Variants in PKNOX2 observed in about 807,000 individuals in gnomAD.
PKNOX2 encodes PBX/knotted 1 homeobox 2.
PKNOX2 carries 14 observed loss-of-function variants against 53.1 expected under a neutral mutation model. The ratio of observed to expected loss-of-function variants is 0.26; its 90% CI spans 0.17 to 0.41. The LOEUF (loss-of-function observed/expected upper bound fraction) is 0.41, where lower values mean the gene tolerates loss of function less well. Among genes scored for constraint, PKNOX2 ranks in the 10% least tolerant of loss-of-function variants. PKNOX2 has a pLI of 1.00. For synonymous variants in PKNOX2, 257 were observed against 242.8 expected (o/e 1.06, Z -0.54); for missense variants, 496 against 602.8 (o/e 0.82, Z 1.85).
intron 1 of PKNOX2, among the ~76,000 whole-genome samples, chr11:125,173,407 T>C (rs1955466113): frequency 6.6e-6 from 1 of 152,098 alleles, no homozygotes; most frequent in East Asian, 1.9e-4. Flanking sequence ...TGGAGCACAT[T>C]ATTTAGGGTA....
At chr11:125,332,113 G>A (rs1950176002) in intron 3 of PKNOX2, among the ~76,000 whole-genome samples, 188 bp downstream of exon 3, 1 of 152,196 alleles carries the variant, frequency 6.6e-6, no homozygotes, top group Admixed American at 6.5e-5. Context: ...GAGGAGGAGG[G>A]CTGGGCCTTA....
At chr11:125,216,941 G>T (rs1940575728) in intron 1 of PKNOX2, among the ~76,000 whole-genome samples, 1 of 152,002 alleles carries the variant, frequency 6.6e-6, no homozygotes, top group Non-Finnish European at 1.5e-5. Flanking sequence ...GCTCGGTGTG[G>T]CCAGGATGTG....
At chr11:125,194,242 A>T (rs583968) in intron 1 of PKNOX2, among the ~76,000 whole-genome samples, 93,245 of 152,040 alleles carry the variant, frequency 0.61, 29,071 homozygotes, top group Non-Finnish European at 0.68. Context: ...TGGAGAGAGC[A>T]GTCATCCCTT....
At chr11:125,201,484 G>T (rs1034007903) in intron 1 of PKNOX2, among the ~76,000 whole-genome samples, 2 of 152,150 alleles carry the variant, frequency 1.3e-5, no homozygotes, top group Non-Finnish European at 2.9e-5. Context: ...TAAAGCCCTG[G>T]AGAGAGAGTC....
intron 5 of PKNOX2, among the ~76,000 whole-genome samples, chr11:125,384,341 T>A (rs1052901115): frequency 3.8e-4 from 57 of 151,832 alleles, no homozygotes; most frequent in Admixed American, 3.2e-3. Flanking sequence ...GGTGGGGGAA[T>A]GGGGGTCAGG....
chr11:125,260,919 C>T (rs1436843869), intron 2 of PKNOX2, among the ~76,000 whole-genome samples: 2 of 152,158 alleles, frequency 1.3e-5, no homozygotes, highest in Non-Finnish European at 2.9e-5. Context: ...CAGTGGAAGG[C>T]CTCAGTGAAT....
chr11:125,360,698 TGA>T (rs1951876955), intron 4 of PKNOX2, among the ~76,000 whole-genome samples: 1 of 152,170 alleles, frequency 6.6e-6, no homozygotes, highest in Non-Finnish European at 1.5e-5. Context: ...GCAGCCCACA[TGA>T]GAGAAACAAC....
At chr11:125,388,355 G>T (rs149777083) in intron 6 of PKNOX2, among the ~76,000 whole-genome samples, 1 of 152,030 alleles carries the variant, frequency 6.6e-6, no homozygotes, top group East Asian at 1.9e-4. Flanking sequence ...TTACAACCCC[G>T]CACACGTAGC....
At chr11:125,216,240 T>C (rs1208653064) in intron 1 of PKNOX2, among the ~76,000 whole-genome samples, 1 of 152,166 alleles carries the variant, frequency 6.6e-6, no homozygotes, top group Non-Finnish European at 1.5e-5. Context: ...TGCAGAGCCA[T>C]GAGTAGCCAG....
intron 4 of PKNOX2, among the ~76,000 whole-genome samples, chr11:125,362,415 C>T (rs1951973312): frequency 6.6e-6 from 1 of 152,022 alleles, no homozygotes; most frequent in Non-Finnish European, 1.5e-5. Flanking sequence ...GCTCTATCTC[C>T]CAGGCTGGAG....
At chr11:125,420,324 G>A (rs1956108036) in intron 10 of PKNOX2, among the ~76,000 whole-genome samples, 2 of 151,454 alleles carry the variant, frequency 1.3e-5, no homozygotes, top group Admixed American at 1.3e-4. Context: ...TCAGGAGATC[G>A]AGACCATCCT....
intron 11 of PKNOX2, 151 bp downstream of exon 11, chr11:125,429,239 C>A: frequency 1.3e-6 from 1 of 770,504 alleles, no homozygotes; most frequent in Non-Finnish European, 2.1e-6. Flanking sequence ...AGGCTAGAAG[C>A]AGAAAGCAAG....
chr11:125,241,431 T>A (rs1045703214), intron 2 of PKNOX2, among the ~76,000 whole-genome samples: 3 of 152,234 alleles, frequency 2.0e-5, no homozygotes, highest in African/African-American at 7.2e-5. Flanking sequence ...TTCCTTTGCC[T>A]GTAGACCATC....
intron 2 of PKNOX2, among the ~76,000 whole-genome samples, chr11:125,248,113 G>C (rs113013262): frequency 6.6e-5 from 10 of 152,306 alleles, no homozygotes; most frequent in African/African-American, 2.4e-4. Flanking sequence ...CCTGGCTCTT[G>C]GCAAGTGCTG....
chr11:125,373,429 A>T (rs138990658), intron 5 of PKNOX2, among the ~76,000 whole-genome samples: 248 of 152,346 alleles, frequency 1.6e-3, no homozygotes, highest in African/African-American at 5.6e-3. Context: ...TGGACACTAA[A>T]ACTTTCTGTG....
rs1467390576 is a variant in PKNOX2 at position 125,432,793 on chromosome 11, T to C, written c.*1401T>C. The C allele has an allele frequency of 6.5e-6, 1 of 152,674 alleles. No homozygotes were observed. The highest frequency in any genetic ancestry group is 2.4e-5 in the African/African-American group (1 of 41,454). The allele number at this position is 152,674 out of a possible 1,614,324, so 9.5% of individuals were successfully genotyped here. On this transcript the variant is annotated 3_prime_UTR_variant, in exon 13 of 13. Coordinates refer to ENST00000298282, the MANE Select transcript of PKNOX2 (RefSeq NM_001382323.2). Reference sequence around the variant, plus strand: ...GTGTTTTCCATTGGGTTTAATTTAATGGACGTGCAGTTTCATTTGTAAATT... The same window carrying C: ...GTGTTTTCCATTGGGTTTAATTTAACGGACGTGCAGTTTCATTTGTAAATT...
intron 1 of PKNOX2, among the ~76,000 whole-genome samples, chr11:125,179,594 C>T (rs1303639778): frequency 1.3e-5 from 2 of 151,906 alleles, no homozygotes; most frequent in Non-Finnish European, 2.9e-5. Flanking sequence ...GGGTCAGGCG[C>T]GAGTCACTGA....
At chr11:125,319,590 C>T (rs946861280) in intron 2 of PKNOX2, among the ~76,000 whole-genome samples, 2 of 152,206 alleles carry the variant, frequency 1.3e-5, no homozygotes, top group Non-Finnish European at 2.9e-5. Flanking sequence ...CTCTTGTCCA[C>T]ATGGAGTTTT....
chr11:125,177,066 G>A (rs186540145), intron 1 of PKNOX2, among the ~76,000 whole-genome samples: 16 of 152,222 alleles, frequency 1.1e-4, no homozygotes, highest in Non-Finnish European at 1.9e-4. Context: ...CAGCTGTGAC[G>A]GGGGTAGAAA....
Sources: allele counts gnomAD v4.1 joint callset (sites outside exome capture counted in the v4.1 genomes callset), GRCh38; gene constraint gnomAD v4.1.1; transcripts MANE v1.5; gene names NCBI Gene and HGNC (gene_info 2026-07-23, HGNC 2026-07-21).